Variants in CACNA2D4 observed in about 807,000 individuals in gnomAD.
CACNA2D4 encodes calcium voltage-gated channel auxiliary subunit alpha2delta 4.
CACNA2D4 carries 157 observed loss-of-function variants against 163.8 expected under a neutral mutation model. The ratio of observed to expected loss-of-function variants is 0.96; its 90% CI spans 0.84 to 1.09. The LOEUF (loss-of-function observed/expected upper bound fraction) is 1.09, where lower values mean the gene tolerates loss of function less well. Ranked by LOEUF, CACNA2D4 falls within the 50% of genes least tolerant of loss-of-function variation. The pLI, the probability that CACNA2D4 is intolerant of heterozygous loss-of-function variation, is 0.00. For synonymous variants in CACNA2D4, 598 were observed against 586.9 expected, an observed-to-expected ratio of 1.02 and a Z score of -0.27; for missense variants, 1,410 against 1,479.9, an observed-to-expected ratio of 0.95 and a Z score of 0.78.
chr12:1,887,419 A>G (rs1866175664), intron 6 of CACNA2D4, among the ~76,000 whole-genome samples: 1 of 152,222 alleles, frequency 6.6e-6, no homozygotes, highest in Non-Finnish European at 1.5e-5. Flanking sequence ...AAGTGTGGAC[A>G]AAATGTTGAA....
chr12:1,828,126 C>T lies in CACNA2D4; in HGVS notation c.2551+12613G>A, dbSNP rs578070850. On this transcript the variant is annotated intron_variant, in intron 26 of 37. Transcript: ENST00000382722. This position sits in a 1 kb window ranked among gnomAD's most constrained non-coding sequence, Gnocchi z 4.2. ...CTCCTCTCTCCCCAGAGCGACAGGGCCCGGAGAGCCGTGGGCCTCACCATG... is the reference window on the plus strand; with the variant it reads ...CTCCTCTCTCCCCAGAGCGACAGGGTCCGGAGAGCCGTGGGCCTCACCATG... The T allele has an allele frequency of 1.8e-4, 271 of 1,520,880 alleles. 7 individuals are homozygous for T. The South Asian group carries it at 3.3e-3, about 18-fold the overall frequency. The allele number at this position is 1,520,880 out of a possible 1,614,324, so 94.2% of individuals were successfully genotyped here. A position where few individuals can be genotyped will look rare whatever the true frequency, so the allele number is the denominator to read the frequency against.
At chr12:1,855,588 T>C (rs1260759122) in intron 22 of CACNA2D4, among the ~76,000 whole-genome samples, 1 of 152,198 alleles carries the variant, frequency 6.6e-6, no homozygotes, top group Non-Finnish European at 1.5e-5. Flanking sequence ...CCCACAGGCT[T>C]CGAGTCATCT....
intron 18 of CACNA2D4, among the ~76,000 whole-genome samples, chr12:1,870,203 G>T (rs1056368327): frequency 1.3e-5 from 2 of 152,078 alleles, no homozygotes; most frequent in Non-Finnish European, 2.9e-5. Flanking sequence ...CCTACTACAC[G>T]TGCAAAAGCT....
Position 1,918,573 on chromosome 12 carries a change from G to T in CACNA2D4, c.-100C>A. On this transcript the variant is annotated 5_prime_UTR_variant, in exon 1 of 38. Coordinates refer to ENST00000382722, the MANE Select transcript of CACNA2D4 (RefSeq NM_172364.5). ...TCTCCAGCCTCTCAGTCCTGGGTGG[G>T]GAGGGCTTCTCTCTGCCCCACAGCT... The T allele has an allele frequency of 2.2e-6, 2 of 889,480 alleles. No homozygotes were observed. The highest frequency in any genetic ancestry group is 3.5e-6 in the Non-Finnish European group (2 of 576,828). The allele number at this position is 889,480 out of a possible 1,614,324, so 55.1% of individuals were successfully genotyped here.
chr12:1,813,501 A>G lies in CACNA2D4; in HGVS notation c.2552-1778T>C, dbSNP rs115402480. On this transcript the variant is annotated intron_variant, in intron 26 of 37. Transcript: ENST00000382722. ...ACTCGGAGTGTGGCTAGCACGCCTG[A>G]GGACCCGAATTTAAAAAACAGTTAA... 6.7e-3 allele frequency among the ~76,000 whole-genome samples: 1,019 copies of G among 152,352 alleles called. 11 individuals carry two copies. The highest frequency in any genetic ancestry group is 0.023 in the African/African-American group (962 of 41,582).
intron 27 of CACNA2D4, among the ~76,000 whole-genome samples, chr12:1,810,990 G>T (rs1863687366): frequency 6.6e-6 from 1 of 152,190 alleles, no homozygotes; most frequent in African/African-American, 2.4e-5. Context: ...GCTGGTGTGG[G>T]GAGGGGACTT....
Position 1,798,188 on chromosome 12 carries a change from G to A in CACNA2D4, c.2996-653C>T, listed in dbSNP as rs1307625340. Among the ~76,000 whole-genome samples the A allele has an allele frequency of 2.0e-5, 3 of 152,190 alleles. No homozygotes were observed. The highest frequency in any genetic ancestry group is 1.9e-4 in the East Asian group (1 of 5,194). On this transcript the variant is annotated intron_variant, in intron 34 of 37. Transcript: ENST00000382722. This position sits in a 1 kb window ranked among gnomAD's most constrained non-coding sequence, Gnocchi z 4.3. ...AGTGGACTCAACCAAAGGTGGAGGC[G>A]AGTGCCTCAGCCCCGCTCTGCAGGA...
At position 1,806,558 on chromosome 12, in the gene CACNA2D4, G is replaced by C. The variant is rs913162910; in HGVS notation, c.2721+3720C>G. Among the ~76,000 whole-genome samples, 1 of 152,162 alleles carries C rather than the reference G, an allele frequency of 6.6e-6. No individual in the cohort carries two copies. The highest frequency in any genetic ancestry group is 1.5e-5 in the Non-Finnish European group (1 of 68,028). On this transcript the variant is annotated intron_variant, in intron 29 of 37. Transcript: ENST00000382722. This position sits in a 1 kb window ranked among gnomAD's most constrained non-coding sequence, Gnocchi z 4.1. ...ACAGGCTTCTCTCTCCAGGCCCCTG[G>C]GTAAGCCCTAGCAGGGACAAGGAGT...
intron 1 of CACNA2D4, 134 bp from the exon 2 acceptor site, chr12:1,915,069 T>C: frequency 1.4e-6 from 1 of 731,882 alleles, no homozygotes. Flanking sequence ...GCATGCATAC[T>C]CCAACACACA....
intron 26 of CACNA2D4, chr12:1,831,266 G>A (rs1426936565): frequency 1.2e-6 from 2 of 1,613,724 alleles, no homozygotes; most frequent in Admixed American, 3.3e-5. Flanking sequence ...CCCTGGACAG[G>A]GACCTGCTGC....
chr12:1,803,686 G>A (rs1863415618), intron 29 of CACNA2D4, among the ~76,000 whole-genome samples: 1 of 152,190 alleles, frequency 6.6e-6, no homozygotes, highest in African/African-American at 2.4e-5. Context: ...TCTACACTCT[G>A]CTAGTTCTTT....
chr12:1,840,783 G>C lies in CACNA2D4; in HGVS notation c.2507C>G (p.Thr836Arg). Residue 836 changes from threonine to arginine, a missense_variant, in exon 26 of 38, where the codon ACA (threonine) becomes AGA (arginine). Physicochemically the swap from Thr to Arg is moderately conservative, Grantham distance 71. Transcript: ENST00000382722. ...CTTGTCCACGGTCACCGCCACAGCT[G>C]TGCTTGCCGTCACCACCATGGGTTC... ...AGEPMVVTAS[T>R]AVAVTVDKRT... 6.2e-7 allele frequency: 1 copy of C among 1,613,954 alleles called. No individual in the cohort carries two copies. Among genetic ancestry groups the C allele is most frequent in the Admixed American group, 1.7e-5 (1 of 60,028 alleles).
At chr12:1,864,706 C>T (rs1406416024) in intron 18 of CACNA2D4, among the ~76,000 whole-genome samples, 1 of 152,220 alleles carries the variant, frequency 6.6e-6, no homozygotes, top group Non-Finnish European at 1.5e-5. Flanking sequence ...TCCGCAGATC[C>T]GAACTGGTTG....
rs1379422821 is a variant in CACNA2D4, at chr12:1,802,025, G to C, written c.2722-381C>G. Among the ~76,000 whole-genome samples the C allele has an allele frequency of 9.0e-5, 10 of 110,818 alleles. No homozygotes were observed. Among genetic ancestry groups the C allele is most frequent in the African/African-American group, 2.9e-4 (9 of 30,518 alleles). The allele number at this position is 110,818 out of a possible 152,430, so 72.7% of individuals were successfully genotyped here. A position where few individuals can be genotyped will look rare whatever the true frequency, so the allele number is the denominator to read the frequency against. On this transcript the variant is annotated intron_variant, in intron 29 of 37. Coordinates refer to ENST00000382722, the MANE Select transcript of CACNA2D4 (RefSeq NM_172364.5). The surrounding 1 kb of genome is among the most constrained non-coding windows in gnomAD (Gnocchi z 4.7). ...GATTTGTTTTATATGCTGTGTGTGT[G>C]TGTGTGTGTGTGTGTGTGTGTGTGT...
At chr12:1,906,829 C>T (rs182271458) in intron 6 of CACNA2D4, among the ~76,000 whole-genome samples, 48 of 152,334 alleles carry the variant, frequency 3.2e-4, no homozygotes, top group Non-Finnish European at 5.6e-4. Context: ...GGAGTCCTCT[C>T]GGGCCTTTCT....
rs867247285 is a variant in CACNA2D4, at chr12:1,917,602, C to T, written c.227+645G>A. 3.9e-5 allele frequency among the ~76,000 whole-genome samples: 6 copies of T among 152,162 alleles called. No homozygotes were observed. The highest frequency in any genetic ancestry group is 1.2e-4 in the African/African-American group (5 of 41,426). Reference sequence around the variant, plus strand: ...ACACAGACACCCCAGAGAGGTTGCACAGTAATTTACATGTACACCAAGGTG... The same window carrying T: ...ACACAGACACCCCAGAGAGGTTGCATAGTAATTTACATGTACACCAAGGTG... On this transcript the variant is annotated intron_variant, in intron 1 of 37. Transcript: ENST00000382722. This position sits in a 1 kb window ranked among gnomAD's most constrained non-coding sequence, Gnocchi z 4.3.
chr12:1,896,649 ACAC>A (rs1565734771), intron 6 of CACNA2D4, among the ~76,000 whole-genome samples: 28 of 146,420 alleles, frequency 1.9e-4, no homozygotes, highest in African/African-American at 5.7e-4. Context: ...ACACACACAC[ACAC>A]ACAAAACAGA....
In CACNA2D4 at chr12:1,883,210, C is replaced by T. The variant is rs748206246; in HGVS notation, c.1352-210G>A. Among the ~76,000 whole-genome samples, 2 of 152,204 alleles carry T rather than the reference C, an allele frequency of 1.3e-5. No individual in the cohort carries two copies. Among genetic ancestry groups the T allele is most frequent in the Admixed American group, 6.5e-5 (1 of 15,278 alleles). Reference sequence around the variant, plus strand: ...GGAGGCCAAGGCTCACTCTGCTGCACCCTGGAAGATCTCTGAGGGGCTGTC... The same window carrying T: ...GGAGGCCAAGGCTCACTCTGCTGCATCCTGGAAGATCTCTGAGGGGCTGTC... On this transcript the variant is annotated intron_variant, in intron 12 of 37. Transcript: ENST00000382722. This position sits in a 1 kb window ranked among gnomAD's most constrained non-coding sequence, Gnocchi z 4.5.
At chr12:1,835,053 C>A in intron 26 of CACNA2D4, 1 of 279,978 alleles carries the variant, frequency 3.6e-6, no homozygotes, top group Non-Finnish European at 6.7e-6. Flanking sequence ...GCCCTTCCTG[C>A]CCTGGGGTGG....
Sources: gnomAD v4.1 joint callset for allele counts (sites outside exome capture counted in the v4.1 genomes callset) on GRCh38, gnomAD v4.1.1 for gene constraint, Gnocchi (gnomAD v3.1) non-coding constraint, MANE v1.5 for transcripts, NCBI Gene and HGNC (gene_info 2026-07-23, HGNC 2026-07-21) for gene names.